The following SLC1A7 variants were observed in gnomAD, a reference collection of about 807,000 sequenced individuals.
The protein encoded by SLC1A7 is solute carrier family 1 member 7, also known as excitatory amino acid transporter 5.
SLC1A7 carries 40 observed loss-of-function variants against 47.7 expected under a neutral mutation model. The observed-to-expected ratio is 0.84, with a 90% CI of 0.65 to 1.09. SLC1A7 has a LOEUF of 1.09. Among genes scored for constraint, SLC1A7 ranks in the 50% least tolerant of loss-of-function variants. SLC1A7 has a pLI of 0.00. For synonymous variants in SLC1A7, 323 were observed against 325.6 expected, an observed-to-expected ratio of 0.99 and a Z score of 0.09; for missense variants, 746 against 769.5, an observed-to-expected ratio of 0.97 and a Z score of 0.36.
intron 5 of SLC1A7, among the ~76,000 whole-genome samples, chr1:53,096,140 C>A (rs564954127): frequency 2.0e-5 from 3 of 150,684 alleles, no homozygotes; most frequent in Non-Finnish European, 4.4e-5. Context: ...AGTACATTCA[C>A]CCCGCCTTGG....
intron 4 of SLC1A7, 180 bp from the exon 5 acceptor site, chr1:53,103,748 T>A: frequency 1.9e-6 from 1 of 527,140 alleles, no homozygotes; most frequent in Non-Finnish European, 3.3e-6. Flanking sequence ...CAAAGAAAGC[T>A]GCAACTCCTT....
intron 2 of SLC1A7, among the ~76,000 whole-genome samples, chr1:53,117,270 T>C (rs1261330265): frequency 1.3e-5 from 2 of 152,040 alleles, no homozygotes; most frequent in African/African-American, 4.8e-5. Context: ...TAGTGACAGA[T>C]TGGTGATAGA....
intron 3 of SLC1A7, among the ~76,000 whole-genome samples, chr1:53,107,623 C>T (rs188612757): frequency 6.6e-6 from 1 of 152,336 alleles, no homozygotes; most frequent in East Asian, 1.9e-4. Context: ...AAGCAAGTGA[C>T]GAGCTGGAGA....
At chr1:53,124,720 T>C (rs1018782314) in intron 2 of SLC1A7, among the ~76,000 whole-genome samples, 4 of 152,208 alleles carry the variant, frequency 2.6e-5, no homozygotes, top group African/African-American at 7.2e-5. Flanking sequence ...GCATTGTGCC[T>C]ATTTTATGGC....
chr1:53,124,246 C>CACAAT (rs201526760), intron 2 of SLC1A7, among the ~76,000 whole-genome samples: 22 of 826 alleles, frequency 0.027, no homozygotes, highest in Admixed American at 0.21. Context: ...ACAATACATA[C>CACAAT]ACAACACACA....
chr1:53,100,808 C>A (rs1557673074), intron 5 of SLC1A7, among the ~76,000 whole-genome samples: 1 of 148,962 alleles, frequency 6.7e-6, no homozygotes, highest in African/African-American at 2.5e-5. Flanking sequence ...GCTCACACAC[C>A]CGCCTCAGTA....
At chr1:53,112,745 T>C (rs1307768824) in intron 3 of SLC1A7, among the ~76,000 whole-genome samples, 18 of 152,026 alleles carry the variant, frequency 1.2e-4, no homozygotes, top group Non-Finnish European at 2.9e-5. Flanking sequence ...CCCAACAGGG[T>C]CACCCAGAGG....
At chr1:53,104,569 ATC>A (rs754046723) in intron 4 of SLC1A7, among the ~76,000 whole-genome samples, 2 of 152,226 alleles carry the variant, frequency 1.3e-5, no homozygotes, top group East Asian at 1.9e-4. Flanking sequence ...CTTTCTCTTT[ATC>A]TCTCACACCC....
chr1:53,133,558 C>A (rs556958778), intron 2 of SLC1A7, among the ~76,000 whole-genome samples: 2 of 152,180 alleles, frequency 1.3e-5, no homozygotes, highest in South Asian at 4.2e-4. Flanking sequence ...ATGAAGATTT[C>A]TCATGGCCTC....
Position 53,090,758 on chromosome 1 carries a change from G to A in SLC1A7, c.1080C>T (p.His360=), listed in dbSNP as rs369859506. Residue 360 remains histidine (H), a synonymous_variant, in exon 8 of 11, where the codon CAC becomes CAT. Coordinates refer to ENST00000371494, the MANE Select transcript of SLC1A7 (RefSeq NM_006671.6). ...CGAAGCGAGCGATGCGCCGGTCGAT[G>A]TGGTTGTTCTCCAGCAGGCACTTGA... ...ITFKCLLENN[H]IDRRIARFVL... The A allele has an allele frequency of 1.2e-6, 2 of 1,613,648 alleles. No homozygotes were observed. The highest frequency in any genetic ancestry group is 1.7e-6 in the Non-Finnish European group (2 of 1,179,874).
intron 5 of SLC1A7, among the ~76,000 whole-genome samples, chr1:53,097,343 C>T (rs943247569): frequency 1.3e-5 from 2 of 150,880 alleles, no homozygotes; most frequent in Admixed American, 1.3e-4. Flanking sequence ...CACAACCTGC[C>T]TCCGTGTACT....
intron 1 of SLC1A7, among the ~76,000 whole-genome samples, chr1:53,142,051 C>T (rs140240842): frequency 1.2e-4 from 19 of 152,250 alleles, no homozygotes; most frequent in Non-Finnish European, 2.8e-4. Context: ...CTGTGTTTGT[C>T]ATCATGAGGC....
rs376095303 is a variant in SLC1A7, at chr1:53,130,298, G to A, written c.215+4052C>T. 9.2e-5 allele frequency among the ~76,000 whole-genome samples: 14 copies of A among 152,216 alleles called. No individual in the cohort carries two copies. In the East Asian group the frequency reaches 2.7e-3, roughly 29 times the overall value. Reference sequence around the variant, plus strand: ...AGGGGCTGGGCAGGAGCAGGAGTGTGGAGATAGACCCTTGTGGCATGCTGT... The same window carrying A: ...AGGGGCTGGGCAGGAGCAGGAGTGTAGAGATAGACCCTTGTGGCATGCTGT... On this transcript the variant is annotated intron_variant, in intron 2 of 10. Transcript: ENST00000371494.
In SLC1A7 at chr1:53,114,962, C is replaced by A; in HGVS notation, c.227G>T (p.Gly76Val). ...GGTCTTGGCATCCAGGGAGGCAAGT[C>A]CGGACATCAAGCTGGGAGGGCGAGG... is the stretch of plus-strand genomic sequence containing the variant. Reference protein sequence around the residue: ...LPLVVSSLMSGLASLDAKTSS... With the variant: ...LPLVVSSLMSVLASLDAKTSS... Residue 76 changes from glycine (G) to valine (V), a missense_variant, in exon 3 of 11, where the codon GGA becomes GTA. Gly to Val is a moderately radical substitution (Grantham distance 109). Coordinates refer to ENST00000371494, the MANE Select transcript of SLC1A7 (RefSeq NM_006671.6). The A allele has an allele frequency of 1.2e-6, 2 of 1,613,842 alleles. No homozygotes were observed. Among genetic ancestry groups the A allele is most frequent in the Non-Finnish European group, 1.7e-6 (2 of 1,179,998 alleles).
intron 2 of SLC1A7, among the ~76,000 whole-genome samples, chr1:53,122,061 C>T (rs1644832713): frequency 1.3e-5 from 2 of 151,958 alleles, no homozygotes; most frequent in South Asian, 4.1e-4. Flanking sequence ...CGGAGCAGAC[C>T]TGGGAATGCT....
chr1:53,115,391 T>G lies in SLC1A7; in HGVS notation c.216-418A>C. On this transcript the variant is annotated intron_variant, in intron 2 of 10. Coordinates refer to ENST00000371494, the MANE Select transcript of SLC1A7 (RefSeq NM_006671.6). ...CAGCCAGGCAGGACCAAGCTTGGTC[T>G]ACCTCTGAGATCTACCTGCCTCTCC... 3.5e-5 allele frequency: 7 copies of G among 202,420 alleles called. No homozygotes were observed. In the East Asian group the frequency reaches 4.6e-4, roughly 13 times the overall value. 12.5% of individuals were successfully genotyped at this position (202,420 alleles called of 1,614,324 possible). A position where few individuals can be genotyped will look rare whatever the true frequency, so the allele number is the denominator to read the frequency against.
rs1309634676 is a variant in SLC1A7, at chr1:53,088,208, G to A, written c.1484C>T (p.Thr495Ile). The A allele has an allele frequency of 1.2e-6, 2 of 1,610,470 alleles. No homozygotes were observed. The highest frequency in any genetic ancestry group is 2.2e-5 in the South Asian group (2 of 90,272). Residue 495 changes from threonine (T) to isoleucine (I), a missense_variant, in exon 11 of 11, where the codon ACC (threonine) becomes ATC (isoleucine). By Grantham distance (89) the Thr-to-Ile change is moderately conservative. Coordinates refer to ENST00000371494, the MANE Select transcript of SLC1A7 (RefSeq NM_006671.6). ...GATCTCCTGGAGGCTCACTGGCTTGGTCTCGCAGGGCAGCAGTTTCTGGTG... is the reference window on the plus strand; with the variant it reads ...GATCTCCTGGAGGCTCACTGGCTTGATCTCGCAGGGCAGCAGTTTCTGGTG... ...TGTEKLLPCE[T>I]KPVSLQEIVA...
chr1:53,093,858 C>T (rs1029735756), intron 5 of SLC1A7, among the ~76,000 whole-genome samples: 1 of 152,206 alleles, frequency 6.6e-6, no homozygotes, highest in African/African-American at 2.4e-5. Flanking sequence ...CTCCCCGCTG[C>T]CTCACCCAGC....
intron 1 of SLC1A7, among the ~76,000 whole-genome samples, chr1:53,138,495 G>A (rs1645022511): frequency 6.6e-6 from 1 of 150,648 alleles, no homozygotes; most frequent in Non-Finnish European, 1.5e-5. Flanking sequence ...CTAGTTTCTG[G>A]GAGATTTCTA....
Sources: allele counts gnomAD v4.1 joint callset (sites outside exome capture counted in the v4.1 genomes callset), GRCh38; gene constraint gnomAD v4.1.1; transcripts MANE v1.5; gene names NCBI Gene and HGNC (gene_info 2026-07-23, HGNC 2026-07-21).